Variants in DLGAP1 observed in about 807,000 individuals in gnomAD.
DLGAP1 encodes the protein DLG associated protein 1.
A neutral mutation model predicts 90.8 loss-of-function variants in DLGAP1; 11 were observed. The observed-to-expected ratio is 0.12, with a 90% CI of 0.08 to 0.20. The LOEUF (loss-of-function observed/expected upper bound fraction) is 0.20, where lower values mean the gene tolerates loss of function less well. DLGAP1 is among the 10% of genes least tolerant of loss of function. The pLI is 1.00. For missense variants in DLGAP1, 1,050 were observed against 1,333.8 expected, an observed-to-expected ratio of 0.79 and a Z score of 3.31; for synonymous variants, 558 against 540.7, an observed-to-expected ratio of 1.03 and a Z score of -0.44.
chr18:4,003,834 C>T (rs967783234), intron 3 of DLGAP1, among the ~76,000 whole-genome samples: 2 of 152,176 alleles, frequency 1.3e-5, no homozygotes, highest in Non-Finnish European at 2.9e-5. Flanking sequence ...TATTAATGCT[C>T]TATATGAATG....
chr18:4,410,754 A>G (rs1173692681), intron 1 of DLGAP1, among the ~76,000 whole-genome samples: 2 of 152,174 alleles, frequency 1.3e-5, no homozygotes, highest in Non-Finnish European at 2.9e-5. Context: ...CAATCAAAAA[A>G]GTTTAAGATA....
chr18:4,013,355 G>A (rs1399567718), intron 2 of DLGAP1, among the ~76,000 whole-genome samples: 2 of 152,194 alleles, frequency 1.3e-5, no homozygotes, highest in Non-Finnish European at 2.9e-5. Flanking sequence ...CACAGGTAAG[G>A]AAACTGATCT....
intron 3 of DLGAP1, among the ~76,000 whole-genome samples, chr18:3,910,002 G>A (rs1288137109): frequency 6.6e-6 from 1 of 151,832 alleles, no homozygotes; most frequent in East Asian, 1.9e-4. Context: ...TGGGTTCAAT[G>A]AGAAGTTCCT....
intron 7 of DLGAP1, among the ~76,000 whole-genome samples, chr18:3,728,774 G>A (rs1415927839): frequency 6.6e-6 from 1 of 152,072 alleles, no homozygotes; most frequent in Non-Finnish European, 1.5e-5. Context: ...GGTCATTTAG[G>A]GTCACAGCCC....
intron 5 of DLGAP1, among the ~76,000 whole-genome samples, chr18:3,796,124 C>G (rs550571884): frequency 6.6e-6 from 1 of 152,206 alleles, no homozygotes; most frequent in South Asian, 2.1e-4. Flanking sequence ...TGATATCGCC[C>G]TTCTGTATCT....
chr18:3,868,152 T>C (rs2070521282), intron 4 of DLGAP1, among the ~76,000 whole-genome samples: 1 of 152,134 alleles, frequency 6.6e-6, no homozygotes, highest in Non-Finnish European at 1.5e-5. Context: ...CATGGAATAC[T>C]TCCAAGAGGT....
At position 4,172,081 on chromosome 18, in the gene DLGAP1, T is replaced by G. The variant is rs935733817; in HGVS notation, c.-266-20794A>C. On this transcript the variant is annotated intron_variant, in intron 1 of 12. Transcript: ENST00000315677. ...GAGTTTCAGATTTGGGTTTTGTAATTCTCTGAAATACTCAATAACATCATC... is the reference window on the plus strand; with the variant it reads ...GAGTTTCAGATTTGGGTTTTGTAATGCTCTGAAATACTCAATAACATCATC... Among the ~76,000 whole-genome samples the G allele has an allele frequency of 2.6e-5, 4 of 152,192 alleles. No individual in the cohort carries two copies. The East Asian group carries it at 7.7e-4, about 29-fold the overall frequency.
chr18:3,887,216 G>A (rs538771763), intron 3 of DLGAP1, among the ~76,000 whole-genome samples: 8 of 152,284 alleles, frequency 5.3e-5, no homozygotes, highest in African/African-American at 1.7e-4. Flanking sequence ...ATAGCTCGCG[G>A]TTATTTTGCT....
At chr18:3,731,812 A>G (rs922624532) in intron 6 of DLGAP1, among the ~76,000 whole-genome samples, 10 of 152,162 alleles carry the variant, frequency 6.6e-5, no homozygotes, top group Admixed American at 6.6e-4. Flanking sequence ...GAACTTAATG[A>G]ATTATAATAA....
At chr18:4,354,172 T>TACTCTCCTTTCTCCC (rs2081456543) in intron 1 of DLGAP1, among the ~76,000 whole-genome samples, 1 of 152,202 alleles carries the variant, frequency 6.6e-6, no homozygotes, top group Admixed American at 6.5e-5. Context: ...TTCTTTCTCC[T>TACTCTCCTTTCTCCC]ACTCTCCTTT....
Position 4,008,041 on chromosome 18 carries a change from T to A in DLGAP1, c.-158-2840A>T, listed in dbSNP as rs1399996659. 3.3e-5 allele frequency among the ~76,000 whole-genome samples: 5 copies of A among 152,150 alleles called. No homozygotes were observed. In the East Asian group the frequency reaches 9.6e-4, roughly 29 times the overall value. ...ATTTTTTAAAATTGGAATCAGTCAC[T>A]AACAAATCCTGCTGGGCTGTTTCCT... On this transcript the variant is annotated intron_variant, in intron 2 of 12. Transcript: ENST00000315677.
At chr18:3,689,246 A>T (rs2060811389) in intron 7 of DLGAP1, among the ~76,000 whole-genome samples, 1 of 152,204 alleles carries the variant, frequency 6.6e-6, no homozygotes, top group Non-Finnish European at 1.5e-5. Context: ...AAACCAAAGG[A>T]CTCCTAAACC....
intron 10 of DLGAP1, among the ~76,000 whole-genome samples, chr18:3,513,152 A>T (rs1461205010): frequency 6.6e-6 from 1 of 152,148 alleles, no homozygotes; most frequent in Non-Finnish European, 1.5e-5. Flanking sequence ...GGCTTATTCC[A>T]CTTAGCATAT....
rs576652482 is a variant in DLGAP1, at chr18:4,258,437, C to T, written c.-266-107150G>A. On this transcript the variant is annotated intron_variant, in intron 1 of 12. Transcript: ENST00000315677. The stretch of plus-strand genomic sequence containing the variant: ...TTTTTGAAGGACAAAATGTTTTGAT[C>T]GGGAGTCACGTTTTGTTTTATATCC... 1.1e-4 allele frequency among the ~76,000 whole-genome samples: 16 copies of T among 152,040 alleles called. No homozygotes were observed. In the East Asian group the frequency reaches 1.2e-3, roughly 11 times the overall value.
intron 1 of DLGAP1, among the ~76,000 whole-genome samples, chr18:4,271,271 C>T (rs957590060): frequency 6.6e-6 from 1 of 152,162 alleles, no homozygotes; most frequent in Non-Finnish European, 1.5e-5. Flanking sequence ...TCCCGAAGTA[C>T]TTCTAATGAT....
intron 2 of DLGAP1, among the ~76,000 whole-genome samples, chr18:4,046,745 C>T (rs2872873): frequency 0.5 from 75,446 of 152,058 alleles, 18,820 homozygotes; most frequent in Middle Eastern, 0.52. Flanking sequence ...AATTTATCCT[C>T]GGAGGTTGTG....
chr18:4,386,164 C>T (rs2082226087), intron 1 of DLGAP1, among the ~76,000 whole-genome samples: 1 of 151,954 alleles, frequency 6.6e-6, no homozygotes, highest in Non-Finnish European at 1.5e-5. Context: ...TCTTATGTCC[C>T]CGTTCTAATA....
chr18:3,565,420 G>C lies in DLGAP1; in HGVS notation c.2057+2070C>G, dbSNP rs2054368772. On this transcript the variant is annotated intron_variant, in intron 9 of 12. Coordinates refer to ENST00000315677, the MANE Select transcript of DLGAP1 (RefSeq NM_004746.4). The surrounding 1 kb of genome is among the most constrained non-coding windows in gnomAD (Gnocchi z 4.0). ...CTGCCTCGGCCTCCCAGACTGCTGGGATTACAGGCGTGAGCCATTGCCCAT... is the reference window on the plus strand; with the variant it reads ...CTGCCTCGGCCTCCCAGACTGCTGGCATTACAGGCGTGAGCCATTGCCCAT... Among the ~76,000 whole-genome samples the C allele has an allele frequency of 2.0e-5, 3 of 152,096 alleles. No individual in the cohort carries two copies. The South Asian group carries it at 6.3e-4, about 32-fold the overall frequency.
chr18:3,640,648 G>C (rs1451636300), intron 7 of DLGAP1, among the ~76,000 whole-genome samples: 4 of 152,226 alleles, frequency 2.6e-5, no homozygotes, highest in Non-Finnish European at 4.4e-5. Context: ...TACCATGCTT[G>C]CAAATGAAAG....
Sources: gnomAD v4.1 joint callset for allele counts (sites outside exome capture counted in the v4.1 genomes callset) on GRCh38, gnomAD v4.1.1 for gene constraint, Gnocchi (gnomAD v3.1) non-coding constraint, MANE v1.5 for transcripts, NCBI Gene and HGNC (gene_info 2026-07-23, HGNC 2026-07-21) for gene names.